Variants in ANK3 observed in about 807,000 individuals in gnomAD.
The protein encoded by ANK3 is ankyrin 3.
ANK3 carries 57 observed loss-of-function variants against 370.9 expected under a neutral mutation model. That is an observed-to-expected ratio of 0.15 (90% CI 0.12 to 0.19). The LOEUF (loss-of-function observed/expected upper bound fraction) is 0.19. ANK3 is among the 10% of genes least tolerant of loss of function. The pLI, the probability that ANK3 is intolerant of heterozygous loss-of-function variation, is 1.00. For missense variants in ANK3, 4,439 were observed against 5,302.1 expected, an observed-to-expected ratio of 0.84 and a Z score of 5.06; for synonymous variants, 1,929 against 1,946.3, an observed-to-expected ratio of 0.99 and a Z score of 0.23.
intron 23 of ANK3, among the ~76,000 whole-genome samples, chr10:60,161,070 C>T (rs552447156): frequency 1.6e-4 from 25 of 152,228 alleles, no homozygotes; most frequent in African/African-American, 5.1e-4. Flanking sequence ...AAATAAAGGA[C>T]ATCCAAATTA....
intron 2 of ANK3, among the ~76,000 whole-genome samples, chr10:60,560,201 AT>A (rs2077303193): frequency 6.6e-6 from 1 of 152,200 alleles, no homozygotes; most frequent in South Asian, 2.1e-4. Flanking sequence ...CAAGTGGACT[AT>A]TAAAAGAAAA....
chr10:60,329,990 C>T (rs2050827342), intron 1 of ANK3, among the ~76,000 whole-genome samples: 1 of 152,172 alleles, frequency 6.6e-6, no homozygotes, highest in Non-Finnish European at 1.5e-5. Context: ...CACACATATA[C>T]AACCATCTGA....
intron 2 of ANK3, among the ~76,000 whole-genome samples, chr10:60,478,924 C>T (rs12356018): frequency 0.38 from 57,501 of 151,792 alleles, 11,463 homozygotes; most frequent in Non-Finnish European, 0.45. Context: ...TATTATAATG[C>T]TGTTCTTGGC....
At chr10:60,311,813 C>T (rs1479092182) in intron 1 of ANK3, among the ~76,000 whole-genome samples, 2 of 152,184 alleles carry the variant, frequency 1.3e-5, no homozygotes, top group African/African-American at 4.8e-5. Context: ...GTATTGCCTC[C>T]TGAGAGGGGC....
chr10:60,030,749 C>G (rs1011397708), intron 43 of ANK3, among the ~76,000 whole-genome samples: 3 of 152,190 alleles, frequency 2.0e-5, no homozygotes, highest in African/African-American at 4.8e-5. Context: ...GTCTCCTTGT[C>G]AGTCAAGTGG....
At chr10:60,485,938 G>T (rs1359992541) in intron 2 of ANK3, among the ~76,000 whole-genome samples, 1 of 152,056 alleles carries the variant, frequency 6.6e-6, no homozygotes, top group South Asian at 2.1e-4. Flanking sequence ...ATAGAAAGAT[G>T]ATGAATGAAT....
chr10:60,308,231 G>T (rs2045585454), intron 1 of ANK3, among the ~76,000 whole-genome samples: 2 of 150,888 alleles, frequency 1.3e-5, no homozygotes, highest in Admixed American at 1.3e-4. Context: ...ATAAGACAAA[G>T]GATAAAAGAA....
chr10:60,036,637 C>T (rs986451513), intron 43 of ANK3, among the ~76,000 whole-genome samples: 3 of 151,774 alleles, frequency 2.0e-5, no homozygotes, highest in African/African-American at 7.3e-5. Flanking sequence ...AGGGTTTCAC[C>T]GTGTTAGCCA....
intron 1 of ANK3, among the ~76,000 whole-genome samples, chr10:60,636,164 T>TG (rs1395541735): frequency 6.6e-6 from 1 of 152,214 alleles, no homozygotes; most frequent in African/African-American, 2.4e-5. Context: ...TATAGCTAAA[T>TG]GTTGCTTTTA....
intron 34 of ANK3, 172 bp downstream of exon 34, chr10:60,082,443 C>A: frequency 1.1e-6 from 1 of 916,628 alleles, no homozygotes; most frequent in South Asian, 1.8e-5. Context: ...ATCATACAAA[C>A]TATAAGAATT....
intron 14 of ANK3, among the ~76,000 whole-genome samples, chr10:60,197,385 G>C (rs749614807): frequency 6.6e-6 from 1 of 152,176 alleles, no homozygotes; most frequent in Non-Finnish European, 1.5e-5. Context: ...TGTTGTGGGG[G>C]TCCCAATCAT....
At chr10:60,435,932 A>C (rs1283770991) in intron 2 of ANK3, among the ~76,000 whole-genome samples, 3 of 151,786 alleles carry the variant, frequency 2.0e-5, no homozygotes, top group African/African-American at 7.3e-5. Context: ...CTAAAAATAC[A>C]AAAAATTAGC....
chr10:60,504,429 A>G (rs1421851482), intron 2 of ANK3, among the ~76,000 whole-genome samples: 1 of 151,946 alleles, frequency 6.6e-6, no homozygotes, highest in African/African-American at 2.4e-5. Context: ...ATTGAAGTTT[A>G]CTCCCATAAG....
intron 1 of ANK3, among the ~76,000 whole-genome samples, chr10:60,635,717 AAAG>A (rs1336092978): frequency 6.6e-6 from 1 of 152,126 alleles, no homozygotes; most frequent in African/African-American, 2.4e-5. Context: ...CAAAAAAAAA[AAAG>A]CTCATTGCAG....
At chr10:60,691,778 G>GCT (rs1314004529) in intron 1 of ANK3, among the ~76,000 whole-genome samples, 8 of 152,042 alleles carry the variant, frequency 5.3e-5, no homozygotes, top group Admixed American at 1.3e-4. Flanking sequence ...GCTTTCACCT[G>GCT]CTCTCCTCTT....
At chr10:60,257,377 GT>G (rs1253216427) in intron 7 of ANK3, among the ~76,000 whole-genome samples, 1 of 152,158 alleles carries the variant, frequency 6.6e-6, no homozygotes, top group African/African-American at 2.4e-5. Flanking sequence ...ATAAAGTTAA[GT>G]AGCTGGGCCA....
rs184500195 is a variant in ANK3, at chr10:60,480,505, T to C, written c.96+134681A>G. Among the ~76,000 whole-genome samples the C allele has an allele frequency of 2.6e-3, 403 of 152,176 alleles. 1 individual carries two copies. Among genetic ancestry groups the C allele is most frequent in the African/African-American group, 8.9e-3 (370 of 41,530 alleles). On this transcript the variant is annotated intron_variant, in intron 2 of 43. Transcript: ENST00000373827. The stretch of plus-strand genomic sequence containing the variant: ...ATGTGAAAGCTAAAACAAAACTGAT[T>C]GTTGGTCAATTTCCAAAAAAAAAAT...
chr10:60,161,013 C>T (rs979177309), intron 23 of ANK3, among the ~76,000 whole-genome samples: 2 of 152,050 alleles, frequency 1.3e-5, no homozygotes, highest in African/African-American at 2.4e-5. Flanking sequence ...CACCTTCATT[C>T]AACATAGTAC....
intron 2 of ANK3, among the ~76,000 whole-genome samples, chr10:60,433,651 G>T (rs2064088107): frequency 6.6e-6 from 1 of 152,140 alleles, no homozygotes; most frequent in Admixed American, 6.6e-5. Context: ...GTTGCCTAGG[G>T]ATGACAAAGG....
Sources: gnomAD v4.1 joint callset for allele counts (sites outside exome capture counted in the v4.1 genomes callset) on GRCh38, gnomAD v4.1.1 for gene constraint, MANE v1.5 for transcripts, NCBI Gene and HGNC (gene_info 2026-07-23, HGNC 2026-07-21) for gene names.